Variants in KNSTRN observed in about 807,000 individuals in gnomAD.
The protein encoded by KNSTRN is kinetochore localized astrin (SPAG5) binding protein.
Under a neutral mutation model 44.7 loss-of-function variants are expected in KNSTRN, and 38 were observed. That is an observed-to-expected ratio of 0.85 (90% CI 0.66 to 1.11). KNSTRN has a LOEUF of 1.11. Ranked by LOEUF, KNSTRN falls within the 50% of genes most tolerant of loss-of-function variation. KNSTRN has a pLI of 0.00. For missense variants in KNSTRN, 406 were observed against 375.8 expected (o/e 1.08, Z -0.66); for synonymous variants, 158 against 148.1 (o/e 1.07, Z -0.48).
At chr15:40,389,219 G>C (rs959699236) in intron 4 of KNSTRN, 1 of 477,764 alleles carries the variant, frequency 2.1e-6, no homozygotes. Flanking sequence ...CGCAATCTCA[G>C]CTCACCACAA....
intron 8 of KNSTRN, among the ~76,000 whole-genome samples, chr15:40,392,413 G>T (rs1425408322): frequency 2.0e-5 from 3 of 152,190 alleles, no homozygotes; most frequent in African/African-American, 7.2e-5. Context: ...AATCAGCCAG[G>T]CATGGTGGCT....
intron 4 of KNSTRN, 98 bp downstream of exon 4, chr15:40,387,304 G>A (rs1889919540): frequency 9.7e-7 from 1 of 1,034,294 alleles, no homozygotes; most frequent in Admixed American, 1.9e-5. Flanking sequence ...TGTTTACTGT[G>A]TTAGGGTCTG....
intron 2 of KNSTRN, among the ~76,000 whole-genome samples, chr15:40,383,680 G>A (rs1391391033): frequency 6.6e-6 from 1 of 152,166 alleles, no homozygotes; most frequent in Non-Finnish European, 1.5e-5. Context: ...TTGTTTTCAG[G>A]GAGGAAAGAG....
intron 8 of KNSTRN, 93 bp from the exon 9 acceptor site, chr15:40,393,376 A>T: frequency 6.3e-7 from 1 of 1,590,806 alleles, no homozygotes; most frequent in South Asian, 1.2e-5. Context: ...TTAGTGGAAT[A>T]GGAGCATAAT....
rs2141270851 is a variant in KNSTRN at position 40,382,957 on chromosome 15, C to G, written c.122C>G (p.Ala41Gly). The part of the protein sequence containing the change: ...YRKFLFETQA[A>G]DLAGGTTVAA... ...AAGTTTCTATTTGAAACCCAGGCGG[C>G]CGACTTAGCCGGTGGCACGACAGTT... is the stretch of plus-strand genomic sequence containing the variant. The change falls in exon 1 of 9, where the codon GCC (alanine) becomes GGC (glycine). Residue 41 changes from alanine to glycine, a missense_variant. Coordinates refer to ENST00000249776, the MANE Select transcript of KNSTRN (RefSeq NM_033286.4). 6.2e-7 allele frequency: 1 copy of G among 1,612,268 alleles called. No individual in the cohort carries two copies. Among genetic ancestry groups the G allele is most frequent in the Non-Finnish European group, 8.5e-7 (1 of 1,180,030 alleles).
intron 8 of KNSTRN, 184 bp from the exon 9 acceptor site, chr15:40,393,285 G>C: frequency 1.2e-6 from 2 of 1,612,166 alleles, no homozygotes; most frequent in Non-Finnish European, 1.7e-6. Context: ...TCTACTACTA[G>C]AGGGACAATT....
In KNSTRN at chr15:40,391,542, C is replaced by G. The variant is rs1595740783; in HGVS notation, c.735C>G (p.His245Gln). 6.2e-7 allele frequency: 1 copy of G among 1,613,668 alleles called. No individual in the cohort carries two copies. Among genetic ancestry groups the G allele is most frequent in the African/African-American group, 1.3e-5 (1 of 74,920 alleles). ...LASRQESTTD[H>Q]MDSMLLLETL... ...CACGACAAGAATCCACTACTGATCA[C>G]ATGGACTCTATGGTGAGGGCATGGG... Residue 245 changes from histidine to glutamine, a missense_variant, in exon 7 of 9, where the codon CAC (histidine) becomes CAG (glutamine). Transcript: ENST00000249776.
chr15:40,389,310 G>T, intron 4 of KNSTRN, 196 bp from the exon 5 acceptor site: 1 of 530,650 alleles, frequency 1.9e-6, no homozygotes. Context: ...CACCACGCCT[G>T]ACTAATCTTT....
intron 8 of KNSTRN, chr15:40,393,172 C>A (rs773618562): frequency 1.9e-6 from 3 of 1,612,894 alleles, no homozygotes; most frequent in East Asian, 4.5e-5. Flanking sequence ...AGCACAGATT[C>A]TTTGGTCTGG....
intron 2 of KNSTRN, chr15:40,384,290 C>A: frequency 3.2e-6 from 1 of 313,870 alleles, no homozygotes; most frequent in Non-Finnish European, 6.4e-6. Flanking sequence ...AGGAGAATGG[C>A]GTGAACCCGG....
At chr15:40,386,567 G>A (rs1372705846) in intron 3 of KNSTRN, 73 bp downstream of exon 3, 2 of 1,536,594 alleles carry the variant, frequency 1.3e-6, no homozygotes, top group East Asian at 4.6e-5. Context: ...TTAGAAAACA[G>A]AGTTTTGGAC....
chr15:40,393,308 G>A, intron 8 of KNSTRN, 161 bp from the exon 9 acceptor site: 4 of 1,607,760 alleles, frequency 2.5e-6, no homozygotes, highest in Non-Finnish European at 3.4e-6. Flanking sequence ...TAAAACCAGT[G>A]CATAGAAATA....
chr15:40,385,049 T>C (rs1335355117), intron 2 of KNSTRN: 1 of 152,320 alleles, frequency 6.6e-6, no homozygotes, highest in East Asian at 1.9e-4. Flanking sequence ...TCCTCCAAGA[T>C]TACCTTTTTC....
chr15:40,392,907 G>C (rs1000716312), intron 8 of KNSTRN, among the ~76,000 whole-genome samples: 1 of 151,894 alleles, frequency 6.6e-6, no homozygotes, highest in East Asian at 1.9e-4. Flanking sequence ...CACTGCACCC[G>C]GCAGGAAAAA....
At chr15:40,383,392 A>G in intron 2 of KNSTRN, 70 bp downstream of exon 2, 1 of 1,232,394 alleles carries the variant, frequency 8.1e-7, no homozygotes, top group Non-Finnish European at 1.2e-6. Flanking sequence ...TGGAGATCGA[A>G]TGGGTGGCGC....
rs1265781491 is a variant in KNSTRN, at chr15:40,382,985, T to G, written c.150T>G (p.Ala50=). The G allele has an allele frequency of 6.2e-7, 1 of 1,612,064 alleles. No individual in the cohort carries two copies. Among genetic ancestry groups the G allele is most frequent in the Non-Finnish European group, 8.5e-7 (1 of 1,180,034 alleles). ...ACTTAGCCGGTGGCACGACAGTTGC[T>G]GCAGGGAATCTTTTAAACGAGAGCG... is the stretch of plus-strand genomic sequence containing the variant. ...AADLAGGTTV[A]AGNLLNESEK... Residue 50 remains alanine, a synonymous_variant, in exon 1 of 9, where the codon GCT becomes GCG. Transcript: ENST00000249776.
intron 7 of KNSTRN, 38 bp from the exon 8 acceptor site, chr15:40,391,911 T>C (rs376172321): frequency 4.3e-5 from 65 of 1,525,962 alleles, no homozygotes; most frequent in African/African-American, 5.5e-5. Flanking sequence ...TCTGGTTTTA[T>C]ATGAAGATTT....
chr15:40,389,793 G>T, intron 5 of KNSTRN, 43 bp from the exon 6 acceptor site: 2 of 1,578,256 alleles, frequency 1.3e-6, no homozygotes, highest in Non-Finnish European at 1.7e-6. Context: ...CCACCCCTAG[G>T]GAGTTGGACA....
chr15:40,386,166 G>T (rs1185192156), intron 2 of KNSTRN, among the ~76,000 whole-genome samples, 196 bp from the exon 3 acceptor site: 3 of 152,206 alleles, frequency 2.0e-5, no homozygotes, highest in African/African-American at 7.2e-5. Flanking sequence ...GGTGGAGGTT[G>T]CAGTGAGCCA....
Sources: gnomAD v4.1 joint callset for allele counts (sites outside exome capture counted in the v4.1 genomes callset) on GRCh38, gnomAD v4.1.1 for gene constraint, MANE v1.5 for transcripts, NCBI Gene and HGNC (gene_info 2026-07-23, HGNC 2026-07-21) for gene names.